The following STK36 variants were observed in gnomAD, a reference collection of about 807,000 sequenced individuals.
The protein encoded by STK36 is serine/threonine-protein kinase 36.
STK36 carries 116 observed loss-of-function variants against 142.2 expected under a neutral mutation model. That is an observed-to-expected ratio of 0.82 (90% confidence interval 0.70 to 0.95). The LOEUF (loss-of-function observed/expected upper bound fraction) is 0.95, where lower values mean the gene tolerates loss of function less well. Among genes scored for constraint, STK36 ranks in the 40% least tolerant of loss-of-function variants. The pLI, the probability that STK36 is intolerant of heterozygous loss-of-function variation, is 0.00. For missense variants in STK36, 1,422 were observed against 1,617.2 expected (o/e 0.88, Z 2.07); for synonymous variants, 619 against 641.7 (o/e 0.96, Z 0.53).
chr2:218,681,796 G>T (rs1213437092), intron 10 of STK36, among the ~76,000 whole-genome samples: 2 of 152,244 alleles, frequency 1.3e-5, no homozygotes, highest in Admixed American at 1.3e-4. Flanking sequence ...CATTCTTGAA[G>T]GCAGAGCCCT....
intron 23 of STK36, 58 bp downstream of exon 23, chr2:218,697,271 A>T (rs1941271644): frequency 3.8e-6 from 6 of 1,563,244 alleles, no homozygotes; most frequent in Admixed American, 3.9e-5. Flanking sequence ...AAGAGGAGGC[A>T]GCCCAGAACT....
rs532488752 is a variant in STK36, at chr2:218,673,862, C to T, written c.226-17C>T. 4 of 1,614,220 alleles carry T rather than the reference C, an allele frequency of 2.5e-6. No individual in the cohort carries two copies. In the African/African-American group the frequency reaches 5.3e-5, roughly 22 times the overall value. ...CATGAATCTGGAGCCATCAGTGCCA[C>T]TGCCTTCTCTCTGTAGGTGGTGGTG... On this transcript the variant is annotated splice_polypyrimidine_tract_variant and intron_variant, in intron 3 of 26. Coordinates refer to ENST00000295709, the MANE Select transcript of STK36 (RefSeq NM_015690.5).
Position 218,680,714 on chromosome 2 carries a change from G to A in STK36, c.1236+12G>A. 6.2e-7 allele frequency: 1 copy of A among 1,604,654 alleles called. No homozygotes were observed. The highest frequency in any genetic ancestry group is 1.1e-5 in the South Asian group (1 of 89,102). ...ACCTGGAAAATGAGGTGAGCCCTAG[G>A]GTCTCTTACTGACTTTGTCTCTTTC... On this transcript the variant is annotated intron_variant, in intron 10 of 26. Transcript: ENST00000295709.
At position 218,674,509 on chromosome 2, in the gene STK36, C is replaced by G. The variant is rs138215996; in HGVS notation, c.303+553C>G. On this transcript the variant is annotated intron_variant, in intron 4 of 26. Transcript: ENST00000295709. Reference sequence around the variant, plus strand: ...TTTGTCTGTACCCAAGCAAGTAGGCCCCCCCTGGGATTCATTATTGCAGCA... The same window carrying G: ...TTTGTCTGTACCCAAGCAAGTAGGCGCCCCCTGGGATTCATTATTGCAGCA... Among the ~76,000 whole-genome samples, 995 of 152,272 alleles carry G rather than the reference C, an allele frequency of 6.5e-3. 10 individuals carry two copies. The highest frequency in any genetic ancestry group is 0.014 in the Middle Eastern group (4 of 294).
chr2:218,693,176 C>T, intron 16 of STK36, 64 bp from the exon 17 acceptor site: 1 of 1,383,522 alleles, frequency 7.2e-7, no homozygotes, highest in Non-Finnish European at 1.0e-6. Context: ...TCATTTTGGA[C>T]ATATGTGAGG....
chr2:218,673,139 G>A (rs1940066153), intron 2 of STK36: 2 of 486,980 alleles, frequency 4.1e-6, no homozygotes, highest in Non-Finnish European at 7.4e-6. Context: ...ACTTCCCTAT[G>A]TCTCAATTTC....
At position 218,702,649 on chromosome 2, in the gene STK36, T is replaced by G. The variant is rs1941484082; in HGVS notation, c.*640T>G. 6.6e-6 allele frequency: 1 copy of G among 152,132 alleles called. No homozygotes were observed. Among genetic ancestry groups the G allele is most frequent in the Non-Finnish European group, 1.5e-5 (1 of 68,040 alleles). The allele number at this position is 152,132 out of a possible 1,614,324, so 9.4% of individuals were successfully genotyped here. On this transcript the variant is annotated 3_prime_UTR_variant, in exon 27 of 27. Coordinates refer to ENST00000295709, the MANE Select transcript of STK36 (RefSeq NM_015690.5). ...ATACTTGAAGCTCCCAGGACAAGGG[T>G]TGAGAGGCTCAACCCCTCTTTCAGC...
Position 218,679,502 on chromosome 2 carries a change from G to A in STK36, c.779-58G>A, listed in dbSNP as rs1940404307. 3.8e-6 allele frequency: 6 copies of A among 1,561,220 alleles called. No homozygotes were observed. The East Asian group carries it at 6.8e-5, about 18-fold the overall frequency. On this transcript the variant is annotated intron_variant, in intron 7 of 26. Coordinates refer to ENST00000295709, the MANE Select transcript of STK36 (RefSeq NM_015690.5). ...AGACACTGAAGTTGTCCCTGGCCAA[G>A]TGGACACAGGGACTATGGCCCCCAT...
intron 26 of STK36, 135 bp downstream of exon 26, chr2:218,699,483 T>C (rs1941367260): frequency 3.7e-6 from 5 of 1,342,218 alleles, no homozygotes; most frequent in Admixed American, 5.5e-5. Flanking sequence ...GGACAGTGTC[T>C]TGGAGTGAGT....
At chr2:218,674,693 C>G (rs1419726097) in intron 4 of STK36, among the ~76,000 whole-genome samples, 1 of 152,206 alleles carries the variant, frequency 6.6e-6, no homozygotes, top group African/African-American at 2.4e-5. Context: ...ACTCCGCCTT[C>G]CAGGTTCAAG....
At chr2:218,678,873 G>T (rs2106346813) in intron 6 of STK36, among the ~76,000 whole-genome samples, 1 of 152,316 alleles carries the variant, frequency 6.6e-6, no homozygotes, top group South Asian at 2.1e-4. Context: ...GTTTCTCCCA[G>T]TGTTTTTTCT....
At chr2:218,681,636 A>C (rs1170010451) in intron 10 of STK36, among the ~76,000 whole-genome samples, 1 of 152,234 alleles carries the variant, frequency 6.6e-6, no homozygotes, top group African/African-American at 2.4e-5. Flanking sequence ...GGAAAGTTCA[A>C]GATCAAGGTG....
chr2:218,694,129 C>T lies in STK36; in HGVS notation c.2337-135C>T. ...GAAGCTTTCTCTACAAAGAACAGAC[C>T]TAGACTCCCATCAACTTTGTGCCTT... On this transcript the variant is annotated intron_variant, in intron 19 of 26. Transcript: ENST00000295709. The surrounding 1 kb of genome is among the most constrained non-coding windows in gnomAD (Gnocchi z 4.4). 1 of 1,156,310 alleles carries T rather than the reference C, an allele frequency of 8.6e-7. No individual in the cohort carries two copies. The highest frequency in any genetic ancestry group is 2.3e-5 in the East Asian group (1 of 42,684). 71.6% of individuals were successfully genotyped at this position (1,156,310 alleles called of 1,614,324 possible).
In STK36 at chr2:218,675,449, G is replaced by T. The variant is rs566855145; in HGVS notation, c.410G>T (p.Gly137Val). 4.3e-6 allele frequency: 7 copies of T among 1,612,734 alleles called. No homozygotes were observed. In the South Asian group the frequency reaches 7.7e-5, roughly 18 times the overall value. ...KPQNILLAKG[G>V]GIKLCDFGFA... ...CAGAACATCCTCCTCGCCAAGGGTG[G>T]TGGCATCAAGCTCTGTGACTTTGGG... The change falls in exon 5 of 27, where the codon GGT becomes GTT. Residue 137 changes from glycine to valine, a missense_variant. By Grantham distance (109) the Gly-to-Val change is moderately radical. Transcript: ENST00000295709.
At position 218,696,511 on chromosome 2, in the gene STK36, T is replaced by C; in HGVS notation, c.2512-16T>C. The C allele has an allele frequency of 1.2e-6, 2 of 1,613,466 alleles. No individual in the cohort carries two copies. The highest frequency in any genetic ancestry group is 1.7e-6 in the Non-Finnish European group (2 of 1,179,354). ...TCCTCTTAGGCACCTGCATTCTTCA[T>C]GTTTCTCTCTGACAGGTTCGGTTGA... On this transcript the variant is annotated splice_polypyrimidine_tract_variant and intron_variant, in intron 21 of 26. Coordinates refer to ENST00000295709, the MANE Select transcript of STK36 (RefSeq NM_015690.5).
intron 10 of STK36, among the ~76,000 whole-genome samples, chr2:218,683,149 C>T (rs1940609203): frequency 6.6e-6 from 1 of 152,112 alleles, no homozygotes; most frequent in Non-Finnish European, 1.5e-5. Flanking sequence ...ATCACCTGGA[C>T]AACAGGGTGG....
intron 12 of STK36, 29 bp from the exon 13 acceptor site, chr2:218,689,830 C>T: frequency 6.3e-7 from 1 of 1,589,026 alleles, no homozygotes; most frequent in Non-Finnish European, 8.6e-7. Context: ...TTCACATTGC[C>T]CTTACTCTCT....
intron 12 of STK36, among the ~76,000 whole-genome samples, 171 bp downstream of exon 12, chr2:218,689,047 A>G (rs893721995): frequency 6.6e-6 from 1 of 152,204 alleles, no homozygotes; most frequent in African/African-American, 2.4e-5. Flanking sequence ...GGCCAGGCAG[A>G]TAAGGTCTGC....
intron 4 of STK36, among the ~76,000 whole-genome samples, chr2:218,674,211 C>T (rs1164335549): frequency 6.6e-6 from 1 of 151,646 alleles, no homozygotes; most frequent in Admixed American, 6.5e-5. Flanking sequence ...TTTCTTTGTG[C>T]TTAGTTTCCT....
Sources: gnomAD v4.1 joint callset for allele counts (sites outside exome capture counted in the v4.1 genomes callset) on GRCh38, gnomAD v4.1.1 for gene constraint, Gnocchi (gnomAD v3.1) non-coding constraint, MANE v1.5 for transcripts, NCBI Gene and HGNC (gene_info 2026-07-23, HGNC 2026-07-21) for gene names.